The following PLEKHA5 variants were observed in gnomAD, a reference collection of about 807,000 sequenced individuals.
PLEKHA5 encodes the protein pleckstrin homology domain containing A5.
In PLEKHA5, 55 loss-of-function variants were observed where a neutral mutation model predicts 181.9. That is an observed-to-expected ratio of 0.30 (90% CI 0.24 to 0.38). PLEKHA5 has a LOEUF of 0.38. Among genes scored for constraint, PLEKHA5 ranks in the 10% least tolerant of loss-of-function variants. PLEKHA5 has a pLI of 1.00. For synonymous variants in PLEKHA5, 535 were observed against 529.4 expected (o/e 1.01, Z -0.15); for missense variants, 1,432 against 1,549.5 (o/e 0.92, Z 1.27).
intron 7 of PLEKHA5, 99 bp from the exon 8 acceptor site, chr12:19,265,651 T>C: frequency 4.4e-6 from 3 of 679,232 alleles, no homozygotes; most frequent in South Asian, 1.9e-5. Context: ...ATAGTTCATT[T>C]ATGTACAAGA....
chr12:19,299,025 G>C (rs1486168632), intron 15 of PLEKHA5, among the ~76,000 whole-genome samples: 1 of 152,208 alleles, frequency 6.6e-6, no homozygotes, highest in Non-Finnish European at 1.5e-5. Flanking sequence ...AGAAAAACAA[G>C]TGGCAGAATA....
chr12:19,202,066 T>C, intron 3 of PLEKHA5: 1 of 873,730 alleles, frequency 1.1e-6, no homozygotes, highest in Non-Finnish European at 1.4e-6. Context: ...TACTCCCCAC[T>C]CTTCCCCTAC....
intron 10 of PLEKHA5, among the ~76,000 whole-genome samples, chr12:19,270,517 C>G (rs534759714): frequency 3.3e-5 from 5 of 152,052 alleles, no homozygotes; most frequent in Non-Finnish European, 2.9e-5. Context: ...TATTGAAACT[C>G]CACTACTCAG....
chr12:19,205,472 T>C lies in PLEKHA5; in HGVS notation c.228-48468T>C, dbSNP rs1028266990. 3.2e-5 allele frequency: 21 copies of C among 657,676 alleles called. No homozygotes were observed. In the East Asian group the frequency reaches 1.6e-3, roughly 51 times the overall value. 40.7% of individuals were successfully genotyped at this position (657,676 alleles called of 1,614,324 possible). On this transcript the variant is annotated intron_variant, in intron 3 of 31. Coordinates refer to ENST00000429027, the MANE Select transcript of PLEKHA5 (RefSeq NM_001256470.2). ...AGTTAATTGGCTGTTTTGTTCTATT[T>C]TGCTCTAATCGGTCAGTTATTCCTA...
intron 3 of PLEKHA5, among the ~76,000 whole-genome samples, chr12:19,136,488 G>C (rs966780303): frequency 6.6e-6 from 1 of 152,124 alleles, no homozygotes; most frequent in Non-Finnish European, 1.5e-5. Flanking sequence ...AATCTTATAC[G>C]TTTGAGTTAT....
At chr12:19,226,050 T>C (rs980830859) in intron 3 of PLEKHA5, among the ~76,000 whole-genome samples, 3 of 152,326 alleles carry the variant, frequency 2.0e-5, no homozygotes, top group African/African-American at 4.8e-5. Flanking sequence ...GTAACCGTTT[T>C]AAAATGTACA....
intron 11 of PLEKHA5, among the ~76,000 whole-genome samples, chr12:19,276,461 C>T (rs117287837): frequency 0.042 from 6,364 of 152,188 alleles, 232 homozygotes; most frequent in Non-Finnish European, 0.061. Flanking sequence ...GAGGCCAAGG[C>T]GGGCAGTTCA....
At chr12:19,299,941 C>T (rs1477949831) in intron 15 of PLEKHA5, among the ~76,000 whole-genome samples, 1 of 152,144 alleles carries the variant, frequency 6.6e-6, no homozygotes, top group Non-Finnish European at 1.5e-5. Context: ...AATAATTCCT[C>T]CCCCATAAAC....
At chr12:19,224,704 C>A (rs1050379027) in intron 3 of PLEKHA5, among the ~76,000 whole-genome samples, 5 of 152,088 alleles carry the variant, frequency 3.3e-5, no homozygotes, top group African/African-American at 1.2e-4. Flanking sequence ...TTTTCAATGA[C>A]CATCATTCAG....
chr12:19,345,722 C>T, intron 22 of PLEKHA5, 120 bp from the exon 23 acceptor site: 2 of 511,612 alleles, frequency 3.9e-6, no homozygotes, highest in Non-Finnish European at 6.9e-6. Context: ...GAGATCACGC[C>T]ACTACACTCC....
At chr12:19,203,382 T>TA (rs2054639790) in intron 3 of PLEKHA5, among the ~76,000 whole-genome samples, 1 of 152,066 alleles carries the variant, frequency 6.6e-6, no homozygotes, top group African/African-American at 2.4e-5. Context: ...AATTAGTTTT[T>TA]ATCTCTTTCT....
intron 3 of PLEKHA5, among the ~76,000 whole-genome samples, chr12:19,229,690 G>C (rs1389888623): frequency 3.3e-5 from 5 of 152,180 alleles, no homozygotes; most frequent in Admixed American, 6.5e-5. Flanking sequence ...TGTGGAAGAA[G>C]ACCCAAGCAG....
chr12:19,131,541 G>A (rs186035078), intron 2 of PLEKHA5, among the ~76,000 whole-genome samples: 136 of 152,142 alleles, frequency 8.9e-4, no homozygotes, highest in Middle Eastern at 3.4e-3. Flanking sequence ...CATGAAAGAC[G>A]ATATGACATT....
intron 3 of PLEKHA5, among the ~76,000 whole-genome samples, chr12:19,168,106 T>C (rs1301754917): frequency 6.6e-6 from 1 of 152,188 alleles, no homozygotes; most frequent in African/African-American, 2.4e-5. Context: ...TCTTGATTAC[T>C]TTCAAAACAT....
chr12:19,161,563 A>G (rs2042973923), intron 3 of PLEKHA5, among the ~76,000 whole-genome samples: 1 of 152,072 alleles, frequency 6.6e-6, no homozygotes, highest in Non-Finnish European at 1.5e-5. Flanking sequence ...ATTCCATTAT[A>G]ATTTACAGCT....
In PLEKHA5 at chr12:19,237,463, C is replaced by A. The variant is rs1247559780; in HGVS notation, c.228-16477C>A. Among the ~76,000 whole-genome samples the A allele has an allele frequency of 3.3e-5, 5 of 151,824 alleles. No homozygotes were observed. The East Asian group carries it at 9.7e-4, about 29-fold the overall frequency. ...AAAGATAATTAGATGAATAATTCCTCAGATGTTCCTGTGGAGGTACTAACA... is the reference window on the plus strand; with the variant it reads ...AAAGATAATTAGATGAATAATTCCTAAGATGTTCCTGTGGAGGTACTAACA... On this transcript the variant is annotated intron_variant, in intron 3 of 31. Coordinates refer to ENST00000429027, the MANE Select transcript of PLEKHA5 (RefSeq NM_001256470.2).
chr12:19,286,277 A>G (rs1445268423), intron 12 of PLEKHA5, among the ~76,000 whole-genome samples: 1 of 152,230 alleles, frequency 6.6e-6, no homozygotes, highest in Non-Finnish European at 1.5e-5. Context: ...CATTTAAAGT[A>G]CAAATAGACC....
chr12:19,294,311 CT>C (rs2079212669), intron 15 of PLEKHA5, among the ~76,000 whole-genome samples: 1 of 152,092 alleles, frequency 6.6e-6, no homozygotes, highest in Non-Finnish European at 1.5e-5. Flanking sequence ...ACATTTCCAG[CT>C]TTTAATCTTG....
chr12:19,358,327 C>G lies in PLEKHA5; in HGVS notation c.3238C>G (p.Gln1080Glu), dbSNP rs1367468555. Residue 1080 changes from glutamine to glutamate, a missense_variant, in exon 27 of 32, where the codon CAA (glutamine) becomes GAA (glutamate). Transcript: ENST00000429027. ...AATGGAAAGAATAAGAAGACATCAA[C>G]AAGCGTGCCTGAGGGAGAAGAAAAA... ...EQMERIRRHQ[Q>E]ACLREKKKGL... The G allele has an allele frequency of 1.2e-6, 2 of 1,613,538 alleles. No homozygotes were observed. The highest frequency in any genetic ancestry group is 1.3e-5 in the African/African-American group (1 of 74,918).
Sources: gnomAD v4.1 joint callset for allele counts (sites outside exome capture counted in the v4.1 genomes callset) on GRCh38, gnomAD v4.1.1 for gene constraint, MANE v1.5 for transcripts, NCBI Gene and HGNC (gene_info 2026-07-23, HGNC 2026-07-21) for gene names.